The following PPP1R1C variants were observed in gnomAD, a reference collection of about 807,000 sequenced individuals.
The protein encoded by PPP1R1C is protein phosphatase 1 regulatory inhibitor subunit 1C.
A neutral mutation model predicts 17.4 loss-of-function variants in PPP1R1C; 15 were observed. The ratio of observed to expected loss-of-function variants is 0.86; its 90% CI spans 0.58 to 1.33. The LOEUF is 1.33. PPP1R1C is among the 40% of genes most tolerant of loss of function. The probability of loss-of-function intolerance (pLI) is 0.00; values close to 1 mark genes in which losing one functional copy is unlikely to be tolerated. For missense variants in PPP1R1C, 143 were observed against 130.0 expected (o/e 1.10, Z -0.48); for synonymous variants, 35 against 43.1 (o/e 0.81, Z 0.73).
At chr2:182,095,932 G>A (rs900556979) in intron 4 of PPP1R1C, among the ~76,000 whole-genome samples, 6 of 150,748 alleles carry the variant, frequency 4.0e-5, no homozygotes, top group Non-Finnish European at 7.4e-5. Flanking sequence ...CCAAGATCGC[G>A]CCACTGCACT....
Position 182,054,780 on chromosome 2 carries a change from C to A in PPP1R1C, c.143-6662C>A, listed in dbSNP as rs141255383. 1.2e-3 allele frequency among the ~76,000 whole-genome samples: 187 copies of A among 152,220 alleles called. 1 individual carries two copies. The highest frequency in any genetic ancestry group is 3.4e-3 in the Middle Eastern group (1 of 294). On this transcript the variant is annotated intron_variant, in intron 2 of 4. Coordinates refer to ENST00000682840, the MANE Select transcript of PPP1R1C (RefSeq NM_001080545.3). ...GGTTCAAGTGACTGTCCTGCCTCAG[C>A]CTCCTTGGTAGCTGGAATTATAGGT...
At chr2:182,092,822 G>C (rs905012200) in intron 4 of PPP1R1C, among the ~76,000 whole-genome samples, 8 of 152,194 alleles carry the variant, frequency 5.3e-5, no homozygotes, top group Non-Finnish European at 7.3e-5. Flanking sequence ...GTCTTGGGCA[G>C]CTCTATCCCT....
At chr2:182,023,471 C>G (rs1314198504) in intron 2 of PPP1R1C, among the ~76,000 whole-genome samples, 1 of 151,768 alleles carries the variant, frequency 6.6e-6, no homozygotes, top group East Asian at 1.9e-4. Context: ...ATTGGTGTCA[C>G]CCTTGGCAAC....
intron 4 of PPP1R1C, among the ~76,000 whole-genome samples, chr2:182,079,114 T>C (rs1574434135): frequency 6.6e-6 from 1 of 152,220 alleles, no homozygotes; most frequent in African/African-American, 2.4e-5. Context: ...CAGAAACCAT[T>C]AAATCAGGCT....
intron 2 of PPP1R1C, among the ~76,000 whole-genome samples, chr2:182,058,017 T>C (rs1242407531): frequency 1.3e-5 from 2 of 152,148 alleles, no homozygotes; most frequent in South Asian, 4.1e-4. Context: ...CACACACAGT[T>C]TCCCTATTCT....
chr2:182,099,433 G>T (rs1308516035), intron 4 of PPP1R1C, among the ~76,000 whole-genome samples: 4 of 152,164 alleles, frequency 2.6e-5, no homozygotes, highest in Non-Finnish European at 5.9e-5. Flanking sequence ...CACAAGACAG[G>T]TTAGCTGTCT....
chr2:181,973,693 C>T (rs1452165361), intron 1 of PPP1R1C, among the ~76,000 whole-genome samples: 6 of 152,136 alleles, frequency 3.9e-5, no homozygotes, highest in East Asian at 1.9e-4. Context: ...CTTTCTGTAA[C>T]GCTGTTAGTA....
At chr2:182,077,797 AT>A (rs1169461802) in intron 4 of PPP1R1C, among the ~76,000 whole-genome samples, 1 of 152,198 alleles carries the variant, frequency 6.6e-6, no homozygotes, top group Non-Finnish European at 1.5e-5. Flanking sequence ...TTATTAGATC[AT>A]TTTAAAAAGA....
In PPP1R1C at chr2:182,076,531, G is replaced by A. The variant is rs142282403; in HGVS notation, c.241+12740G>A. Among the ~76,000 whole-genome samples the A allele has an allele frequency of 5.7e-3, 870 of 151,964 alleles. 4 individuals are homozygous for A. Among genetic ancestry groups the A allele is most frequent in the Admixed American group, 9.5e-3 (145 of 15,262 alleles). On this transcript the variant is annotated intron_variant, in intron 4 of 4. Coordinates refer to ENST00000682840, the MANE Select transcript of PPP1R1C (RefSeq NM_001080545.3). ...AAAATCAGGAGAATGGAGGGAAAGA[G>A]CATTGGATCTGTGATTTCATACACT... is the stretch of plus-strand genomic sequence containing the variant.
chr2:182,075,282 G>T (rs1688259191), intron 4 of PPP1R1C, among the ~76,000 whole-genome samples: 1 of 152,118 alleles, frequency 6.6e-6, no homozygotes, highest in South Asian at 2.1e-4. Context: ...CTTAGGAAAA[G>T]ATTCTCCCAT....
intron 4 of PPP1R1C, among the ~76,000 whole-genome samples, chr2:182,076,633 C>A (rs998275495): frequency 6.6e-6 from 1 of 151,952 alleles, no homozygotes; most frequent in Admixed American, 6.6e-5. Context: ...CCTAACTCTA[C>A]CATTATTCCT....
At chr2:182,091,614 G>A (rs1008223094) in intron 4 of PPP1R1C, among the ~76,000 whole-genome samples, 2 of 152,168 alleles carry the variant, frequency 1.3e-5, no homozygotes, top group African/African-American at 2.4e-5. Flanking sequence ...GAAGAAGGGA[G>A]TAGAGAGGAT....
intron 2 of PPP1R1C, among the ~76,000 whole-genome samples, chr2:181,996,941 T>C (rs1685627641): frequency 1.3e-5 from 2 of 152,180 alleles, no homozygotes; most frequent in East Asian, 1.9e-4. Flanking sequence ...TTAGAAGACA[T>C]ATACACAGCC....
chr2:182,003,797 G>A (rs1272339560), intron 2 of PPP1R1C, among the ~76,000 whole-genome samples: 1 of 151,918 alleles, frequency 6.6e-6, no homozygotes, highest in African/African-American at 2.4e-5. Context: ...AGCCTCCCAA[G>A]CTCCCACTAA....
At chr2:182,083,307 G>T (rs1688535376) in intron 4 of PPP1R1C, among the ~76,000 whole-genome samples, 1 of 152,120 alleles carries the variant, frequency 6.6e-6, no homozygotes, top group Non-Finnish European at 1.5e-5. Flanking sequence ...TTACACGGAT[G>T]AATTGTATAG....
chr2:181,987,132 T>C (rs912097057), intron 1 of PPP1R1C, among the ~76,000 whole-genome samples: 1 of 152,186 alleles, frequency 6.6e-6, no homozygotes, highest in Non-Finnish European at 1.5e-5. Flanking sequence ...CAGGATGTCA[T>C]TGATAAATTT....
At chr2:182,106,910 C>G (rs1036138916) in intron 4 of PPP1R1C, among the ~76,000 whole-genome samples, 1 of 152,136 alleles carries the variant, frequency 6.6e-6, no homozygotes, top group East Asian at 1.9e-4. Context: ...CCAGAAGAAG[C>G]AAGCCACACC....
In PPP1R1C at chr2:182,063,739, T is replaced by C. The variant is rs1219393633; in HGVS notation, c.189T>C (p.Asn63=). The C allele has an allele frequency of 6.2e-7, 1 of 1,612,658 alleles. No homozygotes were observed. The highest frequency in any genetic ancestry group is 1.1e-5 in the South Asian group (1 of 91,052). The part of the protein sequence containing the change: ...RGPNTQGELQ[N]ASPKQRKQSV... Reference sequence around the variant, plus strand: ...TTTCTCTTTCTCCACAGTTACAGAATGCATCCCCTAAGCAAAGGAAGCAGA... The same window carrying C: ...TTTCTCTTTCTCCACAGTTACAGAACGCATCCCCTAAGCAAAGGAAGCAGA... Residue 63 remains asparagine, a synonymous_variant, in exon 4 of 5, where the codon AAT becomes AAC. Transcript: ENST00000682840.
chr2:182,118,999 A>G (rs1689660610), downstream of PPP1R1C, among the ~76,000 whole-genome samples: 1 of 151,746 alleles, frequency 6.6e-6, no homozygotes, highest in Non-Finnish European at 1.5e-5. Flanking sequence ...GGTGTGCTGC[A>G]TGCATTAACT....
Sources: gnomAD v4.1 joint callset for allele counts (sites outside exome capture counted in the v4.1 genomes callset) on GRCh38, gnomAD v4.1.1 for gene constraint, MANE v1.5 for transcripts, NCBI Gene and HGNC (gene_info 2026-07-23, HGNC 2026-07-21) for gene names.